The following SEMA3A variants were observed in gnomAD, a reference collection of about 807,000 sequenced individuals.
The protein encoded by SEMA3A is semaphorin-3A.
SEMA3A carries 29 observed loss-of-function variants against 97.9 expected under a neutral mutation model. That is an observed-to-expected ratio of 0.30 (90% CI 0.22 to 0.40). SEMA3A has a LOEUF of 0.40. Ranked by LOEUF, SEMA3A falls within the 10% of genes least tolerant of loss-of-function variation. SEMA3A has a pLI of 1.00. For missense variants in SEMA3A, 763 were observed against 951.3 expected, an observed-to-expected ratio of 0.80 and a Z score of 2.60; for synonymous variants, 321 against 323.7, an observed-to-expected ratio of 0.99 and a Z score of 0.09.
intron 1 of SEMA3A, among the ~76,000 whole-genome samples, chr7:84,427,389 ATGTAATCCCAGCAC>A (rs1804854919): frequency 6.6e-6 from 1 of 151,946 alleles, no homozygotes; most frequent in Non-Finnish European, 1.5e-5. Flanking sequence ...AAACATTTTG[ATGTAATCCCAGCAC>A]TTTGGGAGGC....
At chr7:84,043,712 C>A (rs1437795979) in intron 6 of SEMA3A, among the ~76,000 whole-genome samples, 2 of 152,076 alleles carry the variant, frequency 1.3e-5, no homozygotes, top group African/African-American at 4.8e-5. Context: ...ATATCTGTAT[C>A]TTCCATCTTG....
chr7:84,456,777 A>G (rs1805697448), intron 1 of SEMA3A, among the ~76,000 whole-genome samples: 1 of 151,788 alleles, frequency 6.6e-6, no homozygotes, highest in Non-Finnish European at 1.5e-5. Flanking sequence ...AGTGCTTTGT[A>G]GGGGTACACA....
chr7:83,963,395 T>G (rs1406517501), intron 15 of SEMA3A, 48 bp from the exon 16 acceptor site: 7 of 1,566,134 alleles, frequency 4.5e-6, no homozygotes, highest in Non-Finnish European at 6.1e-6. Context: ...GAGAAGTAAT[T>G]TCAACTTTCC....
At chr7:84,134,343 T>C (rs1175249289) in intron 2 of SEMA3A, among the ~76,000 whole-genome samples, 1 of 152,212 alleles carries the variant, frequency 6.6e-6, no homozygotes. Context: ...ATGGGAGTGC[T>C]TGTGTTTCAA....
At chr7:84,137,932 T>A (rs755668606) in intron 1 of SEMA3A, among the ~76,000 whole-genome samples, 1 of 152,126 alleles carries the variant, frequency 6.6e-6, no homozygotes, top group Non-Finnish European at 1.5e-5. Flanking sequence ...ACAGTACTTA[T>A]CTTTTAGATG....
In SEMA3A at chr7:84,311,916, A is replaced by G. The variant is rs537389540; in HGVS notation, c.-168-4624T>C. On this transcript the variant is annotated intron_variant, in intron 2 of 3. Transcript: ENST00000424555. The stretch of plus-strand genomic sequence containing the variant: ...TAAAGTGCTTTCCAATTTTGCAAAT[A>G]TGAAAACCCATAATGCTTAATATTG... Among the ~76,000 whole-genome samples the G allele has an allele frequency of 3.3e-5, 5 of 152,036 alleles. No homozygotes were observed. In the East Asian group the frequency reaches 9.7e-4, roughly 29 times the overall value.
intron 5 of SEMA3A, among the ~76,000 whole-genome samples, chr7:84,049,160 C>G (rs1333456258): frequency 1.3e-5 from 2 of 152,014 alleles, no homozygotes; most frequent in East Asian, 3.9e-4. Context: ...AATAAGTATG[C>G]AGTTTAGGCA....
At chr7:84,051,825 C>G (rs1260119756) in intron 5 of SEMA3A, among the ~76,000 whole-genome samples, 1 of 151,768 alleles carries the variant, frequency 6.6e-6, no homozygotes, top group Admixed American at 6.6e-5. Flanking sequence ...TTTGCACATT[C>G]AGTATGATAT....
rs1178194583 is a variant in SEMA3A at position 84,203,502 on chromosome 7, GTATA to G, written c.-82-8838_-82-8835del. 4.5e-3 allele frequency among the ~76,000 whole-genome samples: 255 copies of G among 56,994 alleles called. 5 individuals carry two copies. Among genetic ancestry groups the G allele is most frequent in the Middle Eastern group, 0.017 (1 of 60 alleles). The allele number at this position is 56,994 out of a possible 152,430, so 37.4% of individuals were successfully genotyped here. A position where few individuals can be genotyped will look rare whatever the true frequency, so the allele number is the denominator to read the frequency against. On this transcript the variant is annotated intron_variant, in intron 3 of 3. Transcript: ENST00000424555. The stretch of plus-strand genomic sequence containing the variant: ...GTAGAAAGTATTTCTTTGTGTGTGT[GTATA>G]TATATATATATATATATATATTTTT...
At chr7:84,463,771 T>TC (rs1202600881) in intron 1 of SEMA3A, among the ~76,000 whole-genome samples, 2 of 151,994 alleles carry the variant, frequency 1.3e-5, no homozygotes, top group African/African-American at 4.8e-5. Flanking sequence ...CTGCCGTTCC[T>TC]CCTTCTGTCC....
At chr7:84,060,842 G>A (rs1345438120) in intron 4 of SEMA3A, among the ~76,000 whole-genome samples, 1 of 152,170 alleles carries the variant, frequency 6.6e-6, no homozygotes, top group Non-Finnish European at 1.5e-5. Context: ...GGTAAGAGGA[G>A]AGTGATTATT....
chr7:84,309,098 G>A (rs531792196), intron 2 of SEMA3A, among the ~76,000 whole-genome samples: 5 of 152,098 alleles, frequency 3.3e-5, no homozygotes, highest in African/African-American at 1.2e-4. Flanking sequence ...GATTACAGGC[G>A]TGAGCTACCA....
chr7:84,220,271 G>T (rs930154062), intron 3 of SEMA3A, among the ~76,000 whole-genome samples: 1 of 151,986 alleles, frequency 6.6e-6, no homozygotes, highest in East Asian at 1.9e-4. Context: ...ACATCTTTAG[G>T]CTACATTTTT....
At chr7:84,411,920 C>G (rs1263419446) in intron 1 of SEMA3A, among the ~76,000 whole-genome samples, 2 of 152,078 alleles carry the variant, frequency 1.3e-5, no homozygotes, top group African/African-American at 4.8e-5. Context: ...CCTTGTATCT[C>G]TCTCCATTAT....
intron 3 of SEMA3A, among the ~76,000 whole-genome samples, chr7:84,260,031 T>C (rs1159561366): frequency 3.3e-5 from 5 of 152,164 alleles, no homozygotes; most frequent in Admixed American, 1.3e-4. Context: ...TTTTCTCATA[T>C]ACTTTGTTGC....
intron 3 of SEMA3A, among the ~76,000 whole-genome samples, chr7:84,275,319 C>T (rs114626338): frequency 0.016 from 2,369 of 152,118 alleles, 59 homozygotes; most frequent in African/African-American, 0.053. Flanking sequence ...TGACATGAGA[C>T]AATCTGATAT....
chr7:84,076,574 A>G (rs1046123679), intron 4 of SEMA3A, among the ~76,000 whole-genome samples: 3 of 152,156 alleles, frequency 2.0e-5, no homozygotes, highest in Non-Finnish European at 2.9e-5. Flanking sequence ...TAGTTCAAGC[A>G]TATATTAGAT....
intron 1 of SEMA3A, among the ~76,000 whole-genome samples, chr7:84,167,358 A>T (rs1324477661): frequency 6.6e-6 from 1 of 152,204 alleles, no homozygotes. Context: ...ATGCAACCAC[A>T]ATTTAATGGA....
intron 2 of SEMA3A, among the ~76,000 whole-genome samples, chr7:84,328,327 C>T (rs1801817944): frequency 6.6e-6 from 1 of 151,914 alleles, no homozygotes; most frequent in Non-Finnish European, 1.5e-5. Context: ...CATACGTAAA[C>T]ATGAATGACC....
Sources: allele counts gnomAD v4.1 joint callset (sites outside exome capture counted in the v4.1 genomes callset), GRCh38; gene constraint gnomAD v4.1.1; transcripts MANE v1.5; gene names NCBI Gene and HGNC (gene_info 2026-07-23, HGNC 2026-07-21).